Variants in HRH1 observed in about 807,000 individuals in gnomAD.
The protein encoded by HRH1 is histamine H1 receptor.
A neutral mutation model predicts 10.3 loss-of-function variants in HRH1; 6 were observed. That is an observed-to-expected ratio of 0.58 (90% CI 0.32 to 1.15). HRH1 has a LOEUF of 1.15. Ranked by LOEUF, HRH1 falls within the 50% of genes most tolerant of loss-of-function variation. HRH1 has a pLI of 0.05. For missense variants in HRH1, 514 were observed against 615.3 expected (o/e 0.84, Z 1.74); for synonymous variants, 242 against 236.7 (o/e 1.02, Z -0.21).
intron 1 of HRH1, among the ~76,000 whole-genome samples, chr3:11,178,688 C>T (rs1236693250): frequency 6.6e-6 from 1 of 152,150 alleles, no homozygotes; most frequent in Non-Finnish European, 1.5e-5. Context: ...TGGGCCAACT[C>T]CAAGGTGTGA....
chr3:11,242,236 C>T (rs1003220669), intron 1 of HRH1, among the ~76,000 whole-genome samples: 11 of 152,084 alleles, frequency 7.2e-5, no homozygotes, highest in Non-Finnish European at 1.6e-4. Context: ...AATCCCAGCA[C>T]TTTGGGAGGC....
At chr3:11,185,893 C>T (rs1318917570) in intron 1 of HRH1, among the ~76,000 whole-genome samples, 1 of 152,098 alleles carries the variant, frequency 6.6e-6, no homozygotes, top group Non-Finnish European at 1.5e-5. Flanking sequence ...CCCAGGGCTC[C>T]GGCACTTGCT....
intron 1 of HRH1, among the ~76,000 whole-genome samples, chr3:11,147,519 G>T (rs1936478209): frequency 6.6e-6 from 1 of 152,034 alleles, no homozygotes; most frequent in Non-Finnish European, 1.5e-5. Context: ...CAGTTGAGGA[G>T]AAAGATATCC....
intron 1 of HRH1, among the ~76,000 whole-genome samples, chr3:11,175,217 A>G (rs1455130344): frequency 1.3e-5 from 2 of 152,368 alleles, no homozygotes; most frequent in East Asian, 3.9e-4. Flanking sequence ...AACTTGTGCC[A>G]TTAAACCTTT....
intron 1 of HRH1, among the ~76,000 whole-genome samples, chr3:11,241,062 G>A (rs1279323091): frequency 6.6e-6 from 1 of 152,088 alleles, no homozygotes; most frequent in Non-Finnish European, 1.5e-5. Flanking sequence ...TTTATTGAAG[G>A]AATCTATATT....
At chr3:11,142,452 C>T (rs977580152) in intron 1 of HRH1, among the ~76,000 whole-genome samples, 2 of 152,146 alleles carry the variant, frequency 1.3e-5, no homozygotes, top group Admixed American at 1.3e-4. Context: ...AGACAGAAAC[C>T]CTGTGTTTGA....
chr3:11,254,399 C>T (rs757275078), intron 1 of HRH1, among the ~76,000 whole-genome samples: 1 of 152,224 alleles, frequency 6.6e-6, no homozygotes, highest in Non-Finnish European at 1.5e-5. Flanking sequence ...GAACCAGATC[C>T]GGACTCTGCA....
chr3:11,205,234 C>G (rs965325164), intron 1 of HRH1, among the ~76,000 whole-genome samples: 2 of 152,154 alleles, frequency 1.3e-5, no homozygotes, highest in African/African-American at 4.8e-5. Context: ...GGACAACCCA[C>G]CCTAAATAGA....
chr3:11,259,121 G>T lies in HRH1; in HGVS notation c.84G>T (p.Met28Ile), dbSNP rs1559288513. ...NKTTMASPQL[M>I]PLVVVLSTIC... ...CCACTATGGCCAGCCCCCAGCTGAT[G>T]CCCCTGGTGGTGGTCCTGAGCACTA... is the stretch of plus-strand genomic sequence containing the variant. The change falls in exon 2 of 2, where the codon ATG (methionine) becomes ATT (isoleucine). Residue 28 changes from methionine (M) to isoleucine (I), a missense_variant. Physicochemically the swap from Met to Ile is conservative, Grantham distance 10. Transcript: ENST00000431010. This position sits in a 1 kb window ranked among gnomAD's most constrained non-coding sequence, Gnocchi z 4.6. 6.2e-7 allele frequency: 1 copy of T among 1,614,180 alleles called. No homozygotes were observed. The highest frequency in any genetic ancestry group is 8.5e-7 in the Non-Finnish European group (1 of 1,180,040).
chr3:11,173,307 A>C (rs1326162504), intron 1 of HRH1, among the ~76,000 whole-genome samples: 1 of 151,686 alleles, frequency 6.6e-6, no homozygotes, highest in South Asian at 2.1e-4. Context: ...ATGATTACTG[A>C]CATAATACAT....
chr3:11,211,331 G>T (rs1031728465), intron 1 of HRH1, among the ~76,000 whole-genome samples: 1 of 152,198 alleles, frequency 6.6e-6, no homozygotes, highest in African/African-American at 2.4e-5. Context: ...TCATGAGGAA[G>T]GGGTGTGAGC....
At chr3:11,150,521 C>T (rs1421336352), upstream of HRH1, among the ~76,000 whole-genome samples, 1 of 152,274 alleles carries the variant, frequency 6.6e-6, no homozygotes. Flanking sequence ...CAGCTTGTTG[C>T]ACAGCCTGGG....
At chr3:11,235,187 C>G (rs1939146700) in intron 1 of HRH1, among the ~76,000 whole-genome samples, 1 of 151,572 alleles carries the variant, frequency 6.6e-6, no homozygotes, top group South Asian at 2.1e-4. Context: ...TGCACTCCAG[C>G]CTGGGTGACA....
At chr3:11,175,424 G>T (rs1937231451) in intron 1 of HRH1, among the ~76,000 whole-genome samples, 2 of 152,160 alleles carry the variant, frequency 1.3e-5, no homozygotes, top group African/African-American at 4.8e-5. Context: ...GTTCCCAGTT[G>T]TATAGATTAT....
At chr3:11,257,708 C>G (rs1385908650) in intron 1 of HRH1, among the ~76,000 whole-genome samples, 1 of 152,112 alleles carries the variant, frequency 6.6e-6, no homozygotes. Flanking sequence ...TTTTATTTTT[C>G]AGATACAGGA....
chr3:11,176,573 A>G (rs914923964), intron 1 of HRH1, among the ~76,000 whole-genome samples: 21 of 152,154 alleles, frequency 1.4e-4, no homozygotes, highest in Non-Finnish European at 2.6e-4. Context: ...TGCTCCAGGT[A>G]TGGCCTACTA....
At chr3:11,231,215 G>C (rs1939030166) in intron 1 of HRH1, among the ~76,000 whole-genome samples, 1 of 152,162 alleles carries the variant, frequency 6.6e-6, no homozygotes, top group African/African-American at 2.4e-5. Flanking sequence ...TTCCACAGTT[G>C]GTTGGTTGCT....
rs1467341990 is a variant in HRH1, at chr3:11,260,180, C to A, written c.1143C>A (p.Asn381Lys). ...AAGGCAAATTGAGGAGTGGGTCTAA[C>A]ACAGGCCTGGATTACATCAAGTTTA... is the stretch of plus-strand genomic sequence containing the variant. ...PGKGKLRSGS[N>K]TGLDYIKFTW... Residue 381 changes from asparagine (N) to lysine (K), a missense_variant, in exon 2 of 2, where the codon AAC becomes AAA. Asn to Lys is a moderately conservative substitution (Grantham distance 94). Coordinates refer to ENST00000431010, the MANE Select transcript of HRH1 (RefSeq NM_001098212.2). 1 of 1,614,044 alleles carries A rather than the reference C, an allele frequency of 6.2e-7. No individual in the cohort carries two copies. Among genetic ancestry groups the A allele is most frequent in the Admixed American group, 1.7e-5 (1 of 60,014 alleles).
At chr3:11,164,914 C>G (rs1937000501) in intron 1 of HRH1, among the ~76,000 whole-genome samples, 1 of 152,184 alleles carries the variant, frequency 6.6e-6, no homozygotes, top group Admixed American at 6.5e-5. Flanking sequence ...GGAAGAGTCC[C>G]AGCAGCAAGG....
Sources: gnomAD v4.1 joint callset for allele counts (sites outside exome capture counted in the v4.1 genomes callset) on GRCh38, gnomAD v4.1.1 for gene constraint, Gnocchi (gnomAD v3.1) non-coding constraint, MANE v1.5 for transcripts, NCBI Gene and HGNC (gene_info 2026-07-23, HGNC 2026-07-21) for gene names.